STK32C: variants seen among roughly 807,000 people sequenced by gnomAD.
STK32C encodes serine/threonine kinase 32C, also known as serine/threonine-protein kinase 32C.
Under a neutral mutation model 56.5 loss-of-function variants are expected in STK32C, and 31 were observed. The observed-to-expected ratio is 0.55, with a 90% CI of 0.41 to 0.74. The LOEUF is 0.74. Ranked by LOEUF, STK32C falls within the 30% of genes least tolerant of loss-of-function variation. The pLI, the probability that STK32C is intolerant of heterozygous loss-of-function variation, is 0.00. For missense variants in STK32C, 544 were observed against 676.9 expected (o/e 0.80, Z 2.18); for synonymous variants, 309 against 289.4 (o/e 1.07, Z -0.69).
intron 1 of STK32C, among the ~76,000 whole-genome samples, chr10:132,302,287 G>A (rs960978489): frequency 9.2e-5 from 14 of 152,208 alleles, no homozygotes; most frequent in African/African-American, 3.1e-4. Context: ...AAGAAAAGCC[G>A]GCTTATTTTT....
chr10:132,220,845 GA>G (rs1404690185), intron 10 of STK32C, among the ~76,000 whole-genome samples: 3 of 152,172 alleles, frequency 2.0e-5, no homozygotes, highest in Non-Finnish European at 4.4e-5. Context: ...CCGAAGCAGG[GA>G]ACAGAGCTGC....
chr10:132,233,206 TGAA>T (rs1444273354), intron 2 of STK32C, among the ~76,000 whole-genome samples: 1 of 152,128 alleles, frequency 6.6e-6, no homozygotes, highest in African/African-American at 2.4e-5. Flanking sequence ...CTGCAGCGGC[TGAA>T]GAAGGTGCAG....
intron 2 of STK32C, among the ~76,000 whole-genome samples, chr10:132,240,919 C>A (rs1442707426): frequency 6.6e-6 from 1 of 152,198 alleles, no homozygotes; most frequent in African/African-American, 2.4e-5. Context: ...GCACCACACC[C>A]CTAGAGACAC....
intron 8 of STK32C, among the ~76,000 whole-genome samples, chr10:132,223,488 T>C (rs921189019): frequency 6.6e-6 from 1 of 152,212 alleles, no homozygotes; most frequent in Non-Finnish European, 1.5e-5. Flanking sequence ...CCAGACCCCG[T>C]GCGAGGTTTC....
intron 1 of STK32C, among the ~76,000 whole-genome samples, chr10:132,261,204 G>A (rs1349762817): frequency 6.6e-6 from 1 of 152,216 alleles, no homozygotes; most frequent in Non-Finnish European, 1.5e-5. Context: ...CCATGGGGAG[G>A]CTGTGGAGTT....
At position 132,208,125 on chromosome 10, in the gene STK32C, C is replaced by T. The variant is rs193167468; in HGVS notation, c.1346G>A (p.Arg449Lys). ...GGACTCAGGGGCGGGGAGAGGCTCC[C>T]TCGGGAGGTCCTGGCTCCTCTTCAG... ...EKLKRSQDLP[R>K]EPLPAPESRD... Residue 449 changes from arginine to lysine, a missense_variant, in exon 12 of 12, where the codon AGG (arginine) becomes AAG (lysine). Physicochemically the swap from Arg to Lys is conservative, Grantham distance 26. Coordinates refer to ENST00000298630, the MANE Select transcript of STK32C (RefSeq NM_173575.4). 88 of 1,310,804 alleles carry T rather than the reference C, an allele frequency of 6.7e-5. No individual in the cohort carries two copies. The Admixed American group carries it at 8.9e-4, about 13-fold the overall frequency. The allele number at this position is 1,310,804 out of a possible 1,614,324, so 81.2% of individuals were successfully genotyped here. A position where few individuals can be genotyped will look rare whatever the true frequency, so the allele number is the denominator to read the frequency against.
At position 132,210,802 on chromosome 10, in the gene STK32C, C is replaced by T. The variant is rs114631896; in HGVS notation, c.1252-1701G>A. On this transcript the variant is annotated intron_variant, in intron 10 of 11. Coordinates refer to ENST00000298630, the MANE Select transcript of STK32C (RefSeq NM_173575.4). ...GGGGAGCAGCTCACGTTCCCCACCC[C>T]GAGGCAGTGCCCTCCGTGTCTCTCC... 3.3e-3 allele frequency among the ~76,000 whole-genome samples: 496 copies of T among 152,332 alleles called. 3 individuals carry two copies. Among genetic ancestry groups the T allele is most frequent in the African/African-American group, 0.011 (472 of 41,580 alleles).
chr10:132,316,689 G>T (rs943913768), intron 1 of STK32C, among the ~76,000 whole-genome samples: 13 of 151,982 alleles, frequency 8.6e-5, no homozygotes, highest in Non-Finnish European at 1.5e-5. Context: ...AAAGCCCCAG[G>T]ATTACAGAAT....
At chr10:132,326,277 CAG>C (rs2066497983) in intron 1 of STK32C, among the ~76,000 whole-genome samples, 1 of 152,170 alleles carries the variant, frequency 6.6e-6, no homozygotes, top group Non-Finnish European at 1.5e-5. Flanking sequence ...GATATTACGC[CAG>C]AGTCAGTTGG....
chr10:132,316,808 C>T, intron 1 of STK32C, among the ~76,000 whole-genome samples: 1 of 152,156 alleles, frequency 6.6e-6, no homozygotes, highest in East Asian at 1.9e-4. Context: ...GTAATCCCAG[C>T]AATTTGGGAG....
In STK32C at chr10:132,212,545, G is replaced by T. The variant is rs116203447; in HGVS notation, c.1252-3444C>A. ...CCTTAGACAAAGCAGAGCAGCCAAG[G>T]AGGAAACAGCCACATCGGACAACGT... On this transcript the variant is annotated intron_variant, in intron 10 of 11. Transcript: ENST00000298630. Among the ~76,000 whole-genome samples, 504 of 152,324 alleles carry T rather than the reference G, an allele frequency of 3.3e-3. 5 individuals are homozygous for T. Among genetic ancestry groups the T allele is most frequent in the African/African-American group, 0.012 (485 of 41,570 alleles).
At chr10:132,223,721 G>A (rs974880442) in intron 8 of STK32C, among the ~76,000 whole-genome samples, 3 of 152,182 alleles carry the variant, frequency 2.0e-5, no homozygotes, top group African/African-American at 7.2e-5. Context: ...CCACCTGCCT[G>A]AGACACGGGG....
At chr10:132,282,698 G>A (rs2065252280) in intron 1 of STK32C, among the ~76,000 whole-genome samples, 1 of 152,366 alleles carries the variant, frequency 6.6e-6, no homozygotes, top group Non-Finnish European at 1.5e-5. Flanking sequence ...CATTAAGGAA[G>A]CCGACACAAA....
intron 10 of STK32C, among the ~76,000 whole-genome samples, chr10:132,214,336 A>G (rs960737630): frequency 1.3e-5 from 2 of 152,264 alleles, no homozygotes; most frequent in Non-Finnish European, 2.9e-5. Flanking sequence ...TAGAAATCAC[A>G]TAAGCAAGAA....
At chr10:132,243,939 C>A (rs2063595488) in intron 2 of STK32C, among the ~76,000 whole-genome samples, 1 of 152,214 alleles carries the variant, frequency 6.6e-6, no homozygotes, top group Non-Finnish European at 1.5e-5. Flanking sequence ...GGCCCACCAC[C>A]ACCTGCAGGG....
At chr10:132,245,474 G>A (rs2063656016) in intron 2 of STK32C, among the ~76,000 whole-genome samples, 1 of 152,264 alleles carries the variant, frequency 6.6e-6, no homozygotes, top group Non-Finnish European at 1.5e-5. Flanking sequence ...AGGCCTATCT[G>A]GAGGACAGCA....
chr10:132,243,748 T>C (rs2063588047), intron 2 of STK32C, among the ~76,000 whole-genome samples: 1 of 152,164 alleles, frequency 6.6e-6, no homozygotes, highest in Non-Finnish European at 1.5e-5. Flanking sequence ...ATGGCCCTGG[T>C]GGTAGAGCAG....
intron 1 of STK32C, among the ~76,000 whole-genome samples, chr10:132,273,474 G>T (rs2064894474): frequency 6.6e-6 from 1 of 152,058 alleles, no homozygotes; most frequent in African/African-American, 2.4e-5. Context: ...GTGAGTGAAT[G>T]GTGAGTGAGT....
intron 1 of STK32C, chr10:132,330,401 T>C (rs1215865745): frequency 2.8e-6 from 2 of 716,754 alleles, no homozygotes; most frequent in Admixed American, 2.0e-5. Context: ...GCAACACCCA[T>C]GTCACTCCTC....
Sources: gnomAD v4.1 joint callset for allele counts (sites outside exome capture counted in the v4.1 genomes callset) on GRCh38, gnomAD v4.1.1 for gene constraint, MANE v1.5 for transcripts, NCBI Gene and HGNC (gene_info 2026-07-23, HGNC 2026-07-21) for gene names.